CHN2: variants seen among roughly 807,000 people sequenced by gnomAD.
The protein encoded by CHN2 is beta-chimaerin.
CHN2 carries 35 observed loss-of-function variants against 56.3 expected under a neutral mutation model. The observed-to-expected ratio is 0.62, with a 90% confidence interval of 0.47 to 0.82. The LOEUF (loss-of-function observed/expected upper bound fraction) is 0.82. Ranked by LOEUF, CHN2 falls within the 40% of genes least tolerant of loss-of-function variation. The pLI is 0.00. For missense variants in CHN2, 491 were observed against 580.5 expected (o/e 0.85, Z 1.58); for synonymous variants, 210 against 212.8 (o/e 0.99, Z 0.12).
intron 1 of CHN2, among the ~76,000 whole-genome samples, chr7:29,322,621 A>G (rs1795449532): frequency 6.6e-6 from 1 of 152,192 alleles, no homozygotes. Flanking sequence ...CTTTATTAGG[A>G]TTTCAATACG....
Position 29,415,469 on chromosome 7 carries a change from T to C in CHN2, c.576+14641T>C, listed in dbSNP as rs539027758. On this transcript the variant is annotated intron_variant, in intron 6 of 12. Coordinates refer to ENST00000222792, the MANE Select transcript of CHN2 (RefSeq NM_004067.4). Reference sequence around the variant, plus strand: ...TTTTGGGTGGAGTTTCTGTTTCCTATAGCCAGAAGAGCCCGAATGGAGTCC... The same window carrying C: ...TTTTGGGTGGAGTTTCTGTTTCCTACAGCCAGAAGAGCCCGAATGGAGTCC... Among the ~76,000 whole-genome samples, 3 of 152,186 alleles carry C rather than the reference T, an allele frequency of 2.0e-5. No homozygotes were observed. In the East Asian group the frequency reaches 5.8e-4, roughly 30 times the overall value.
At chr7:29,408,803 G>A (rs975367239) in intron 6 of CHN2, among the ~76,000 whole-genome samples, 6 of 152,186 alleles carry the variant, frequency 3.9e-5, no homozygotes, top group African/African-American at 1.4e-4. Flanking sequence ...GAACGGAAGA[G>A]GAAAGTCATC....
At chr7:29,330,270 G>A (rs1796121131) in intron 1 of CHN2, among the ~76,000 whole-genome samples, 1 of 152,160 alleles carries the variant, frequency 6.6e-6, no homozygotes, top group South Asian at 2.1e-4. Flanking sequence ...GTGGTTCGTA[G>A]TAAAGTGCTT....
intron 11 of CHN2, among the ~76,000 whole-genome samples, chr7:29,508,544 G>C (rs1351787873): frequency 2.6e-5 from 4 of 152,050 alleles, no homozygotes; most frequent in African/African-American, 9.7e-5. Flanking sequence ...TTTCGGATGA[G>C]CTGAGGCCCT....
At chr7:29,478,596 G>A (rs1394990748) in intron 6 of CHN2, among the ~76,000 whole-genome samples, 1 of 152,180 alleles carries the variant, frequency 6.6e-6, no homozygotes, top group Admixed American at 6.5e-5. Flanking sequence ...GGACACAGAT[G>A]CTTTGTGTTC....
chr7:29,382,525 A>G (rs1167499764), intron 3 of CHN2, among the ~76,000 whole-genome samples: 2 of 152,240 alleles, frequency 1.3e-5, no homozygotes, highest in Admixed American at 6.5e-5. Flanking sequence ...ATCTGGGAGC[A>G]TAAGCAAACC....
intron 1 of CHN2, among the ~76,000 whole-genome samples, chr7:29,296,259 ATTTTTAGTAGAGATGGGG>A (rs1793152036): frequency 6.6e-6 from 1 of 151,570 alleles, no homozygotes; most frequent in African/African-American, 2.4e-5. Context: ...AATTTTGTGT[ATTTTTAGTAGAGATGGGG>A]TTTCGCCATG....
At chr7:29,420,380 T>C (rs1470367850) in intron 6 of CHN2, among the ~76,000 whole-genome samples, 1 of 152,214 alleles carries the variant, frequency 6.6e-6, no homozygotes, top group Non-Finnish European at 1.5e-5. Flanking sequence ...CAAGTGTCTA[T>C]GGATGGATGA....
At chr7:29,285,597 G>T (rs539357694) in intron 1 of CHN2, among the ~76,000 whole-genome samples, 1 of 152,064 alleles carries the variant, frequency 6.6e-6, no homozygotes, top group Non-Finnish European at 1.5e-5. Flanking sequence ...CATACCACAC[G>T]CAGAGTCAAT....
intron 7 of CHN2, among the ~76,000 whole-genome samples, chr7:29,495,112 A>T (rs541183575): frequency 6.6e-6 from 1 of 152,168 alleles, no homozygotes. Flanking sequence ...TAGACTGCCT[A>T]TGGTCATTTT....
intron 1 of CHN2, among the ~76,000 whole-genome samples, chr7:29,317,280 T>G (rs1252540675): frequency 2.6e-5 from 4 of 152,218 alleles, no homozygotes; most frequent in Admixed American, 6.5e-5. Context: ...CCATAAACTA[T>G]TTTATTAATT....
chr7:29,406,033 C>A (rs1802623980), intron 6 of CHN2, among the ~76,000 whole-genome samples: 1 of 152,236 alleles, frequency 6.6e-6, no homozygotes, highest in Non-Finnish European at 1.5e-5. Context: ...GCCATGCTCG[C>A]ATCTCATGGC....
intron 1 of CHN2, among the ~76,000 whole-genome samples, chr7:29,298,399 G>T (rs1040308959): frequency 1.3e-5 from 2 of 152,160 alleles, no homozygotes; most frequent in Non-Finnish European, 2.9e-5. Context: ...ATGTGTTTCG[G>T]GGGGGTTGCA....
At chr7:29,318,832 T>C (rs1479065850) in intron 1 of CHN2, among the ~76,000 whole-genome samples, 1 of 152,204 alleles carries the variant, frequency 6.6e-6, no homozygotes, top group African/African-American at 2.4e-5. Context: ...GGCCTAACAA[T>C]AGAGAAGAAT....
intron 1 of CHN2, among the ~76,000 whole-genome samples, chr7:29,252,472 G>T (rs564738106): frequency 1.1e-4 from 16 of 151,026 alleles, no homozygotes; most frequent in Admixed American, 9.9e-4. Flanking sequence ...ACAGGCGCAA[G>T]CCACTGCACC....
chr7:29,495,434 A>C (rs780533194), intron 7 of CHN2, among the ~76,000 whole-genome samples: 1 of 152,210 alleles, frequency 6.6e-6, no homozygotes, highest in Non-Finnish European at 1.5e-5. Context: ...GGTTGCCTCC[A>C]TGTTTAGCCA....
intron 6 of CHN2, among the ~76,000 whole-genome samples, chr7:29,472,680 G>A (rs1286023896): frequency 1.3e-5 from 2 of 150,150 alleles, no homozygotes; most frequent in Admixed American, 1.3e-4. Context: ...AAATGGGCAT[G>A]TTTTTTTTTT....
intron 3 of CHN2, among the ~76,000 whole-genome samples, chr7:29,371,840 T>C (rs985536565): frequency 7.2e-5 from 11 of 152,098 alleles, no homozygotes; most frequent in Admixed American, 4.6e-4. Flanking sequence ...TCCAAATATA[T>C]CTCGCATTGT....
chr7:29,506,620 G>C lies in CHN2; in HGVS notation c.992-608G>C, dbSNP rs536293315. Among the ~76,000 whole-genome samples, 11 of 152,306 alleles carry C rather than the reference G, an allele frequency of 7.2e-5. No homozygotes were observed. The South Asian group carries it at 2.3e-3, about 32-fold the overall frequency. ...CCACTGCACTCCAGCCTGGGCTACAGAGTGAGATTCTGTCTCACACACACA... is the reference window on the plus strand; with the variant it reads ...CCACTGCACTCCAGCCTGGGCTACACAGTGAGATTCTGTCTCACACACACA... On this transcript the variant is annotated intron_variant, in intron 10 of 12. Coordinates refer to ENST00000222792, the MANE Select transcript of CHN2 (RefSeq NM_004067.4).
Sources: allele counts gnomAD v4.1 joint callset (sites outside exome capture counted in the v4.1 genomes callset), GRCh38; gene constraint gnomAD v4.1.1; transcripts MANE v1.5; gene names NCBI Gene and HGNC (gene_info 2026-07-23, HGNC 2026-07-21).